The following CLMP variants were observed in gnomAD, a reference collection of about 807,000 sequenced individuals.
CLMP encodes CXADR like cell adhesion molecule.
CLMP carries 27 observed loss-of-function variants against 45.2 expected under a neutral mutation model. The observed-to-expected ratio is 0.60, with a 90% CI of 0.44 to 0.82. CLMP has a LOEUF of 0.82. Ranked by LOEUF, CLMP falls within the 40% of genes least tolerant of loss-of-function variation. CLMP has a pLI of 0.00. For synonymous variants in CLMP, 167 were observed against 171.4 expected (o/e 0.97, Z 0.20); for missense variants, 403 against 448.4 (o/e 0.90, Z 0.91).
intron 6 of CLMP, among the ~76,000 whole-genome samples, chr11:123,074,358 C>A (rs183944585): frequency 1.4e-4 from 21 of 151,714 alleles, no homozygotes; most frequent in Middle Eastern, 3.4e-3. Context: ...ATTTATTTTT[C>A]TTTTGTAAAG....
intron 1 of CLMP, among the ~76,000 whole-genome samples, chr11:123,128,035 C>CAAA (rs35399534): frequency 0.06 from 5,456 of 91,638 alleles, 274 homozygotes; most frequent in African/African-American, 0.17. Flanking sequence ...GACTCTGTCT[C>CAAA]AAAAAAAAAA....
intron 1 of CLMP, among the ~76,000 whole-genome samples, chr11:123,190,274 T>C (rs1861891856): frequency 1.3e-5 from 2 of 152,204 alleles, no homozygotes; most frequent in South Asian, 4.1e-4. Context: ...TTCCAATTAG[T>C]TCGTTGACCC....
At chr11:123,118,971 TTC>T (rs1354400162) in intron 1 of CLMP, among the ~76,000 whole-genome samples, 1 of 45,912 alleles carries the variant, frequency 2.2e-5, no homozygotes. Flanking sequence ...CTTTCTTTCT[TTC>T]TTTCTTTCTT....
At chr11:123,179,086 C>T (rs1394509197) in intron 1 of CLMP, among the ~76,000 whole-genome samples, 2 of 152,178 alleles carry the variant, frequency 1.3e-5, no homozygotes, top group Non-Finnish European at 2.9e-5. Flanking sequence ...TACACCCAGC[C>T]TGATAAATGT....
chr11:123,099,429 A>T (rs1168215199), intron 1 of CLMP, among the ~76,000 whole-genome samples: 4 of 152,240 alleles, frequency 2.6e-5, no homozygotes, highest in Non-Finnish European at 5.9e-5. Context: ...GAGAGAAATT[A>T]TAGGCAATTA....
chr11:123,079,064 C>T (rs1308972689), intron 5 of CLMP, among the ~76,000 whole-genome samples: 1 of 152,062 alleles, frequency 6.6e-6, no homozygotes, highest in Non-Finnish European at 1.5e-5. Context: ...AGGCATGAGC[C>T]ACCGTGCCTG....
chr11:123,133,392 G>A (rs903279076), intron 1 of CLMP, among the ~76,000 whole-genome samples: 6 of 152,072 alleles, frequency 3.9e-5, no homozygotes, highest in African/African-American at 1.4e-4. Context: ...TCTGACCACC[G>A]TCAACATCTT....
At chr11:123,180,207 T>C (rs1449218562) in intron 1 of CLMP, among the ~76,000 whole-genome samples, 2 of 152,142 alleles carry the variant, frequency 1.3e-5, no homozygotes, top group Non-Finnish European at 2.9e-5. Flanking sequence ...ATGAAGTAAA[T>C]GATATAGACG....
At chr11:123,180,645 T>G (rs560097190) in intron 1 of CLMP, among the ~76,000 whole-genome samples, 2 of 147,412 alleles carry the variant, frequency 1.4e-5, no homozygotes, top group African/African-American at 5.0e-5. Flanking sequence ...GGAGAAAATA[T>G]AACAAGGCAA....
intron 2 of CLMP, among the ~76,000 whole-genome samples, chr11:123,091,405 G>A (rs544414879): frequency 2.6e-5 from 4 of 151,982 alleles, no homozygotes; most frequent in East Asian, 1.9e-4. Context: ...GTGCCCATCC[G>A]GAGTGATTAT....
intron 1 of CLMP, among the ~76,000 whole-genome samples, chr11:123,157,344 C>T (rs1201460946): frequency 6.6e-6 from 1 of 151,980 alleles, no homozygotes; most frequent in Non-Finnish European, 1.5e-5. Flanking sequence ...CACTTGAGGT[C>T]AGGAATTCGA....
chr11:123,162,803 G>A (rs752386100), intron 1 of CLMP, among the ~76,000 whole-genome samples: 5 of 151,904 alleles, frequency 3.3e-5, no homozygotes, highest in Non-Finnish European at 5.9e-5. Flanking sequence ...TTGGGGGGCT[G>A]AGGCAGGAGG....
chr11:123,163,277 G>A (rs1475856649), intron 1 of CLMP, among the ~76,000 whole-genome samples: 1 of 152,218 alleles, frequency 6.6e-6, no homozygotes, highest in East Asian at 1.9e-4. Context: ...TCAGTGAGGA[G>A]TGACTGAAGG....
intron 1 of CLMP, among the ~76,000 whole-genome samples, chr11:123,193,802 G>A (rs1407649621): frequency 6.6e-6 from 1 of 152,126 alleles, no homozygotes; most frequent in Non-Finnish European, 1.5e-5. Context: ...TCTTTCCAGA[G>A]CTAAAGACGT....
chr11:123,111,632 T>A (rs865906886), intron 1 of CLMP, among the ~76,000 whole-genome samples: 4 of 152,210 alleles, frequency 2.6e-5, no homozygotes, highest in South Asian at 2.1e-4. Context: ...AAGGTAGTTA[T>A]TCTTAGTAAC....
intron 1 of CLMP, among the ~76,000 whole-genome samples, chr11:123,102,690 C>T (rs1860470643): frequency 6.7e-6 from 1 of 148,752 alleles, no homozygotes; most frequent in Non-Finnish European, 1.5e-5. Flanking sequence ...ATTCTCCTGC[C>T]TCAGCCTCCC....
At position 123,098,953 on chromosome 11, in the gene CLMP, A is replaced by G. The variant is rs973601756; in HGVS notation, c.29-1001T>C. Among the ~76,000 whole-genome samples the G allele has an allele frequency of 2.6e-5, 4 of 152,090 alleles. No homozygotes were observed. The South Asian group carries it at 6.2e-4, about 24-fold the overall frequency. ...CACCATCCACCCTCCTCAGCCTCCC[A>G]AAGTGCTGGGATTGCAGGCGTGAGC... On this transcript the variant is annotated intron_variant, in intron 1 of 6. Coordinates refer to ENST00000448775, the MANE Select transcript of CLMP (RefSeq NM_024769.5).
chr11:123,122,968 G>A (rs1860838365), intron 1 of CLMP, among the ~76,000 whole-genome samples: 2 of 152,120 alleles, frequency 1.3e-5, no homozygotes, highest in South Asian at 4.1e-4. Flanking sequence ...CAATAGAAAC[G>A]AAGGCCTGCT....
At chr11:123,190,504 C>T (rs981231004) in intron 1 of CLMP, among the ~76,000 whole-genome samples, 13 of 152,164 alleles carry the variant, frequency 8.5e-5, no homozygotes, top group Non-Finnish European at 1.9e-4. Flanking sequence ...AAAACTAAGG[C>T]TCAGAGTGGT....
Sources: allele counts gnomAD v4.1 joint callset (sites outside exome capture counted in the v4.1 genomes callset), GRCh38; gene constraint gnomAD v4.1.1; transcripts MANE v1.5; gene names NCBI Gene and HGNC (gene_info 2026-07-23, HGNC 2026-07-21).